The following ZNF224 variants were observed in gnomAD, a reference collection of about 807,000 sequenced individuals.
ZNF224 encodes the protein bone marrow zinc finger 2.
In ZNF224, 8 loss-of-function variants were observed where a neutral mutation model predicts 10.5. The observed-to-expected ratio is 0.76, with a 90% confidence interval of 0.45 to 1.37. The LOEUF (loss-of-function observed/expected upper bound fraction) is 1.37. Among genes scored for constraint, ZNF224 ranks in the 40% most tolerant of loss-of-function variants. The pLI is 0.00. For synonymous variants in ZNF224, 282 were observed against 287.8 expected, an observed-to-expected ratio of 0.98 and a Z score of 0.20; for missense variants, 754 against 854.0, an observed-to-expected ratio of 0.88 and a Z score of 1.46.
In ZNF224 at chr19:44,106,159, C is replaced by T. The variant is rs1014362730; in HGVS notation, c.236-237C>T. The T allele has an allele frequency of 5.6e-6, 3 of 536,548 alleles. No homozygotes were observed. In the Admixed American group the frequency reaches 1.0e-4, roughly 19 times the overall value. The allele number at this position is 536,548 out of a possible 1,614,324, so 33.2% of individuals were successfully genotyped here. A position where few individuals can be genotyped will look rare whatever the true frequency, so the allele number is the denominator to read the frequency against. ...AGTGTATAAGCGTTTCTTCTCACCA[C>T]ACCCATGTCAACATCTATTGTTTTT... On this transcript the variant is annotated intron_variant, in intron 5 of 5. Transcript: ENST00000693561.
Position 44,101,126 on chromosome 19 carries a change from T to A in ZNF224, c.143-7T>A. 6.2e-7 allele frequency: 1 copy of A among 1,614,056 alleles called. No individual in the cohort carries two copies. Among genetic ancestry groups the A allele is most frequent in the Non-Finnish European group, 8.5e-7 (1 of 1,179,980 alleles). On this transcript the variant is annotated splice_polypyrimidine_tract_variant and splice_region_variant and intron_variant, in intron 4 of 5. Coordinates refer to ENST00000693561, the MANE Select transcript of ZNF224 (RefSeq NM_001321645.3). ...GGGATTAAGCATGTAAGTTTGCCTG[T>A]TTGCAGGACATCAAGCATTCCACAG...
chr19:44,100,732 G>A (rs1030954095), intron 3 of ZNF224, 69 bp from the exon 4 acceptor site: 18 of 1,558,744 alleles, frequency 1.2e-5, no homozygotes, highest in African/African-American at 5.4e-5. Context: ...CCCTCTGTCT[G>A]CTCAGTGCCA....
chr19:44,097,277 A>G (rs757961348), intron 2 of ZNF224, among the ~76,000 whole-genome samples: 1 of 152,228 alleles, frequency 6.6e-6, no homozygotes, highest in African/African-American at 2.4e-5. Flanking sequence ...AACCTATTGT[A>G]TCATATAACT....
chr19:44,106,437 G>T lies in ZNF224; in HGVS notation c.277G>T (p.Gly93Ter). ...QTEMETVSEA[G>*]THQEWSFQQI... ...TGAGATGGAGACTGTTTCAGAAGCA[G>T]GAACACATCAAGAGTGGTCCTTCCA... Residue 93 changes from glycine (G) to a stop codon, truncating the protein, a stop_gained, in exon 6 of 6, where the codon GGA (glycine) becomes TGA (stop). Transcript: ENST00000693561. LOFTEE classifies it low-confidence loss of function (END_TRUNC). 2 of 1,614,178 alleles carry T rather than the reference G, an allele frequency of 1.2e-6. No homozygotes were observed. Among genetic ancestry groups the T allele is most frequent in the Non-Finnish European group, 1.7e-6 (2 of 1,180,034 alleles).
chr19:44,101,905 C>T (rs1967555415), intron 5 of ZNF224, among the ~76,000 whole-genome samples: 2 of 152,180 alleles, frequency 1.3e-5, no homozygotes, highest in African/African-American at 2.4e-5. Flanking sequence ...CATAGTCATG[C>T]TCCCTCTGCC....
chr19:44,105,145 C>T (rs1967628912), intron 5 of ZNF224, among the ~76,000 whole-genome samples: 1 of 152,204 alleles, frequency 6.6e-6, no homozygotes, highest in African/African-American at 2.4e-5. Context: ...CCAGCTACAA[C>T]CCTAAATCAT....
chr19:44,107,650 C>A lies in ZNF224; in HGVS notation c.1490C>A (p.Ser497Ter). The change falls in exon 6 of 6, where the codon TCA becomes TAA. Residue 497 changes from serine (S) to a stop codon, truncating the protein, a stop_gained. Coordinates refer to ENST00000693561, the MANE Select transcript of ZNF224 (RefSeq NM_001321645.3). LOFTEE classifies it low-confidence loss of function (END_TRUNC). Reference sequence around the variant, plus strand: ...TGTGGGAAGAGATTTACTCAAAATTCACATCTTCATTCCCATCAGAGAGTT... The same window carrying A: ...TGTGGGAAGAGATTTACTCAAAATTAACATCTTCATTCCCATCAGAGAGTT... The part of the protein sequence containing the change: ...EECGKRFTQN[S>*]HLHSHQRVHT... 1.2e-6 allele frequency: 2 copies of A among 1,614,010 alleles called. No individual in the cohort carries two copies. Among genetic ancestry groups the A allele is most frequent in the Non-Finnish European group, 1.7e-6 (2 of 1,179,970 alleles).
chr19:44,100,311 A>G (rs1248682697), intron 3 of ZNF224, among the ~76,000 whole-genome samples: 1 of 152,154 alleles, frequency 6.6e-6, no homozygotes. Context: ...TTTTGCCTGG[A>G]GAGTATAGAG....
intron 5 of ZNF224, among the ~76,000 whole-genome samples, chr19:44,104,663 G>A (rs117643681): frequency 0.069 from 5,567 of 80,244 alleles, 125 homozygotes; most frequent in South Asian, 0.12. Flanking sequence ...CCTGAGCCCT[G>A]TATTTTTTTT....
intron 4 of ZNF224, 92 bp from the exon 5 acceptor site, chr19:44,101,041 G>A (rs1967539760): frequency 1.2e-6 from 2 of 1,610,292 alleles, no homozygotes; most frequent in Admixed American, 1.7e-5. Context: ...TCAAGTTTGA[G>A]TGTGCAGTAA....
At position 44,107,984 on chromosome 19, in the gene ZNF224, C is replaced by T; in HGVS notation, c.1824C>T (p.Ser608=). Residue 608 remains serine, a synonymous_variant, in exon 6 of 6, where the codon TCC becomes TCT. Coordinates refer to ENST00000693561, the MANE Select transcript of ZNF224 (RefSeq NM_001321645.3). The stretch of plus-strand genomic sequence containing the variant: ...AGTGTGGGAAGGGCTTCAGCTGGTC[C>T]TCAACTCGTCTGACCCATCAGAGAC... ...CDECGKGFSW[S]STRLTHQRRH... 6.2e-7 allele frequency: 1 copy of T among 1,614,154 alleles called. No homozygotes were observed. Among genetic ancestry groups the T allele is most frequent in the Non-Finnish European group, 8.5e-7 (1 of 1,180,022 alleles).
chr19:44,094,715 T>G (rs4429390), intron 1 of ZNF224, 185 bp downstream of exon 1: 120,425 of 152,202 alleles, frequency 0.79, 47,947 homozygotes, highest in Non-Finnish European at 0.84. Context: ...CCACTTCTTC[T>G]CGATATAACG....
intron 1 of ZNF224, chr19:44,095,107 TC>T: frequency 4.3e-6 from 1 of 233,356 alleles, no homozygotes. Context: ...ACCCGACCTT[TC>T]CAGAAGAGCT....
Position 44,107,615 on chromosome 19 carries a change from A to G in ZNF224, c.1455A>G (p.Gln485=). 2 of 1,613,654 alleles carry G rather than the reference A, an allele frequency of 1.2e-6. No individual in the cohort carries two copies. The highest frequency in any genetic ancestry group is 1.7e-4 in the Middle Eastern group (1 of 6,058). The change falls in exon 6 of 6, where the codon CAA becomes CAG. Residue 485 remains glutamine, a synonymous_variant. Coordinates refer to ENST00000693561, the MANE Select transcript of ZNF224 (RefSeq NM_001321645.3). ...TCCACAGTGGAGAAAAACCATTCCAATGTGAAGAGTGTGGGAAGAGATTTA... is the reference window on the plus strand; with the variant it reads ...TCCACAGTGGAGAAAAACCATTCCAGTGTGAAGAGTGTGGGAAGAGATTTA... ...ERLHSGEKPF[Q]CEECGKRFTQ... is the part of the protein sequence containing the mutation.
intron 5 of ZNF224, chr19:44,105,801 GAAT>G (rs1208767280): frequency 6.5e-6 from 1 of 153,238 alleles, no homozygotes; most frequent in Non-Finnish European, 1.5e-5. Flanking sequence ...ACTTCACTTA[GAAT>G]AATAGCCTCC....
chr19:44,094,808 G>T (rs990532813), intron 1 of ZNF224: 3 of 152,270 alleles, frequency 2.0e-5, no homozygotes, highest in African/African-American at 7.2e-5. Context: ...ATCGTTTTGG[G>T]AACTGGAAGA....
In ZNF224 at chr19:44,100,019, AGACATGAGATAAAATC is replaced by A. The variant is rs563710389; in HGVS notation, c.16-777_16-762del. 8.2e-3 allele frequency among the ~76,000 whole-genome samples: 1,249 copies of A among 152,358 alleles called. 23 individuals carry two copies. The highest frequency in any genetic ancestry group is 0.029 in the African/African-American group (1,197 of 41,574). On this transcript the variant is annotated intron_variant, in intron 3 of 5. Coordinates refer to ENST00000693561, the MANE Select transcript of ZNF224 (RefSeq NM_001321645.3). The stretch of plus-strand genomic sequence containing the variant: ...AGATTAGTTCCATGGAACACTATGC[AGACATGAGATAAAATC>A]GACAATAATTGACAAAAATAAAAAT...
At chr19:44,100,244 T>C (rs1457612746) in intron 3 of ZNF224, among the ~76,000 whole-genome samples, 1 of 152,216 alleles carries the variant, frequency 6.6e-6, no homozygotes, top group African/African-American at 2.4e-5. Context: ...ATATATGCGC[T>C]CTGAGGCACG....
At chr19:44,097,146 G>A (rs759496580) in intron 2 of ZNF224, 5 of 172,042 alleles carry the variant, frequency 2.9e-5, no homozygotes, top group Admixed American at 6.2e-5. Flanking sequence ...TTATTAGTGG[G>A]CATTCAGCTG....
Sources: gnomAD v4.1 joint callset for allele counts (sites outside exome capture counted in the v4.1 genomes callset) on GRCh38, gnomAD v4.1.1 for gene constraint, MANE v1.5 for transcripts, NCBI Gene and HGNC (gene_info 2026-07-23, HGNC 2026-07-21) for gene names.